GABBR2: variants seen among roughly 807,000 people sequenced by gnomAD.
GABBR2 encodes gamma-aminobutyric acid type B receptor subunit 2.
In GABBR2, 23 loss-of-function variants were observed where a neutral mutation model predicts 105.6. The observed-to-expected ratio is 0.22, with a 90% CI of 0.16 to 0.31. The LOEUF (loss-of-function observed/expected upper bound fraction) is 0.31. Ranked by LOEUF, GABBR2 falls within the 10% of genes least tolerant of loss-of-function variation. The pLI is 1.00. For synonymous variants in GABBR2, 478 were observed against 499.7 expected (o/e 0.96, Z 0.58); for missense variants, 734 against 1,245.5 (o/e 0.59, Z 6.18).
At chr9:98,577,510 G>A (rs1450158266) in intron 2 of GABBR2, among the ~76,000 whole-genome samples, 1 of 152,250 alleles carries the variant, frequency 6.6e-6, no homozygotes, top group Admixed American at 6.5e-5. Context: ...AATTGATGAG[G>A]AGTCATCTGG....
intron 8 of GABBR2, among the ~76,000 whole-genome samples, chr9:98,400,500 C>G (rs1027301011): frequency 1.3e-5 from 2 of 152,166 alleles, no homozygotes; most frequent in Non-Finnish European, 2.9e-5. Flanking sequence ...CACACAGATT[C>G]TGACTCAGCA....
intron 9 of GABBR2, 69 bp from the exon 10 acceptor site, chr9:98,389,073 G>C: frequency 7.2e-7 from 1 of 1,393,930 alleles, no homozygotes; most frequent in Non-Finnish European, 1.0e-6. Context: ...CTTTGCCTTA[G>C]TGTCCCTGAC....
intron 1 of GABBR2, among the ~76,000 whole-genome samples, chr9:98,685,953 T>A: frequency 6.6e-6 from 1 of 152,144 alleles, no homozygotes; most frequent in Non-Finnish European, 1.5e-5. Context: ...CCTCACAAAG[T>A]ATCGGGATTA....
intron 1 of GABBR2, among the ~76,000 whole-genome samples, chr9:98,673,782 C>G (rs1182717134): frequency 1.3e-5 from 2 of 152,188 alleles, no homozygotes; most frequent in African/African-American, 4.8e-5. Context: ...TTGCCACTAT[C>G]ACTGTGGTTT....
intron 7 of GABBR2, among the ~76,000 whole-genome samples, chr9:98,416,799 G>A (rs1275876563): frequency 2.0e-5 from 3 of 152,178 alleles, no homozygotes; most frequent in Non-Finnish European, 4.4e-5. Context: ...GACTGCTTCA[G>A]TGCTCCTTCT....
intron 13 of GABBR2, among the ~76,000 whole-genome samples, chr9:98,319,973 A>G (rs1830790021): frequency 6.6e-6 from 1 of 152,190 alleles, no homozygotes; most frequent in African/African-American, 2.4e-5. Flanking sequence ...CAAAATTGAC[A>G]AATGGGATCT....
intron 1 of GABBR2, among the ~76,000 whole-genome samples, chr9:98,650,392 T>C (rs1326024628): frequency 1.3e-5 from 2 of 152,220 alleles, no homozygotes; most frequent in African/African-American, 2.4e-5. Flanking sequence ...TCCATTTACA[T>C]TTTTTAAGTA....
At position 98,527,942 on chromosome 9, in the gene GABBR2, G is replaced by A. The variant is rs561010021; in HGVS notation, c.630+13931C>T. 1.5e-4 allele frequency among the ~76,000 whole-genome samples: 23 copies of A among 152,270 alleles called. No homozygotes were observed. In the South Asian group the frequency reaches 4.4e-3, roughly 29 times the overall value. ...AACAAAATGTAAAAACTCAGCAACA[G>A]TCAAAAGCTGCACCGTCCAAGACAG... On this transcript the variant is annotated intron_variant, in intron 3 of 18. Coordinates refer to ENST00000259455, the MANE Select transcript of GABBR2 (RefSeq NM_005458.8).
At chr9:98,544,884 A>G (rs1027892120) in intron 2 of GABBR2, among the ~76,000 whole-genome samples, 8 of 152,168 alleles carry the variant, frequency 5.3e-5, no homozygotes, top group African/African-American at 1.9e-4. Flanking sequence ...GCGGGAAATA[A>G]AGCTCTCTAT....
chr9:98,384,058 G>A (rs1412405710), intron 11 of GABBR2, among the ~76,000 whole-genome samples: 2 of 151,564 alleles, frequency 1.3e-5, no homozygotes, highest in Non-Finnish European at 3.0e-5. Flanking sequence ...AAAGAAAACA[G>A]CACCAACAAA....
At chr9:98,299,884 A>G (rs918485974) in intron 16 of GABBR2, among the ~76,000 whole-genome samples, 2 of 152,194 alleles carry the variant, frequency 1.3e-5, no homozygotes, top group Non-Finnish European at 2.9e-5. Flanking sequence ...TACTATTATT[A>G]CAGGGTCTCA....
At chr9:98,494,980 A>C (rs1372351682) in intron 4 of GABBR2, among the ~76,000 whole-genome samples, 1 of 152,228 alleles carries the variant, frequency 6.6e-6, no homozygotes, top group East Asian at 1.9e-4. Flanking sequence ...ATGTCAGCGC[A>C]GCTGCAGGCC....
intron 7 of GABBR2, among the ~76,000 whole-genome samples, chr9:98,438,631 A>C (rs908475921): frequency 2.0e-5 from 3 of 152,152 alleles, no homozygotes; most frequent in Non-Finnish European, 2.9e-5. Context: ...GGATTTCTAC[A>C]TTGTGCTGCT....
At chr9:98,564,097 T>G (rs1348480786) in intron 2 of GABBR2, among the ~76,000 whole-genome samples, 1 of 152,178 alleles carries the variant, frequency 6.6e-6, no homozygotes, top group Non-Finnish European at 1.5e-5. Context: ...TGTGTGCATG[T>G]GTGGGTGTGT....
chr9:98,513,973 G>C (rs10156606), intron 3 of GABBR2, among the ~76,000 whole-genome samples: 70,116 of 151,906 alleles, frequency 0.46, 16,676 homozygotes, highest in East Asian at 0.67. Context: ...TTTATTGCGG[G>C]ACTATTCACA....
intron 13 of GABBR2, among the ~76,000 whole-genome samples, chr9:98,334,789 G>A (rs1588108398): frequency 6.6e-6 from 1 of 152,290 alleles, no homozygotes; most frequent in South Asian, 2.1e-4. Flanking sequence ...CATGTTAAAT[G>A]TTTCATCCTT....
intron 13 of GABBR2, among the ~76,000 whole-genome samples, chr9:98,355,491 A>G (rs1831468866): frequency 6.6e-6 from 1 of 152,248 alleles, no homozygotes; most frequent in South Asian, 2.1e-4. Flanking sequence ...ACCCAAATGA[A>G]ATGAAATAGG....
At chr9:98,370,839 C>T (rs907155096) in intron 12 of GABBR2, among the ~76,000 whole-genome samples, 7 of 152,126 alleles carry the variant, frequency 4.6e-5, no homozygotes, top group East Asian at 1.9e-4. Context: ...TATACCAAAC[C>T]GCACGGGTGG....
At chr9:98,646,615 A>G (rs1303691499) in intron 1 of GABBR2, among the ~76,000 whole-genome samples, 1 of 152,206 alleles carries the variant, frequency 6.6e-6, no homozygotes, top group Non-Finnish European at 1.5e-5. Flanking sequence ...CGCATCTTCA[A>G]AAGCCCTAAA....
Sources: allele counts gnomAD v4.1 joint callset (sites outside exome capture counted in the v4.1 genomes callset), GRCh38; gene constraint gnomAD v4.1.1; transcripts MANE v1.5; gene names NCBI Gene and HGNC (gene_info 2026-07-23, HGNC 2026-07-21).